The following REG1B variants were observed in gnomAD, a reference collection of about 807,000 sequenced individuals.
REG1B encodes regenerating family member 1 beta.
Under a neutral mutation model 20.4 loss-of-function variants are expected in REG1B, and 21 were observed. The ratio of observed to expected loss-of-function variants is 1.03; its 90% CI spans 0.73 to 1.48. The LOEUF (loss-of-function observed/expected upper bound fraction) is 1.48. REG1B is among the 40% of genes most tolerant of loss of function. The probability of loss-of-function intolerance (pLI) is 0.00; values close to 1 mark genes in which losing one functional copy is unlikely to be tolerated. For synonymous variants in REG1B, 82 were observed against 73.4 expected (o/e 1.12, Z -0.60); for missense variants, 247 against 197.2 (o/e 1.25, Z -1.51).
At chr2:79,085,902 T>A (rs1672391938) in intron 4 of REG1B, 1 of 279,940 alleles carries the variant, frequency 3.6e-6, no homozygotes, top group Non-Finnish European at 6.8e-6. Context: ...AACTCTCATA[T>A]CCAGCATAAC....
At chr2:79,087,493 G>T (rs2104018977) in intron 2 of REG1B, 56 bp downstream of exon 2, 1 of 1,562,104 alleles carries the variant, frequency 6.4e-7, no homozygotes, top group Non-Finnish European at 8.8e-7. Flanking sequence ...TTATACATGA[G>T]GATGGAGGGA....
chr2:79,086,458 G>T lies in REG1B; in HGVS notation c.230C>A (p.Thr77Asn), dbSNP rs1280525918. The T allele has an allele frequency of 6.2e-7, 1 of 1,613,950 alleles. No individual in the cohort carries two copies. Among genetic ancestry groups the T allele is most frequent in the African/African-American group, 1.3e-5 (1 of 74,916 alleles). The change falls in exon 4 of 6, where the codon ACC becomes AAC. Residue 77 changes from threonine to asparagine, a missense_variant. By Grantham distance (65) the Thr-to-Asn change is moderately conservative. Transcript: ENST00000305089. Reference sequence around the variant, plus strand: ...GGCCACGAAGGCACCCTCCGCCTGGGTGAGCACAGACACCAGGTTGCCTGA... The same window carrying T: ...GGCCACGAAGGCACCCTCCGCCTGGTTGAGCACAGACACCAGGTTGCCTGA... ...MNSGNLVSVL[T>N]QAEGAFVASL...
chr2:79,086,259 T>C (rs1395237739), intron 4 of REG1B, 108 bp downstream of exon 4: 8 of 1,231,374 alleles, frequency 6.5e-6, no homozygotes, highest in East Asian at 2.4e-5. Flanking sequence ...GTTGCTTTTA[T>C]TTAAACAAAC....
intron 5 of REG1B, 22 bp downstream of exon 5, chr2:79,085,470 G>A (rs892575741): frequency 6.3e-7 from 1 of 1,578,760 alleles, no homozygotes; most frequent in East Asian, 2.2e-5. Flanking sequence ...GGCAACAGGT[G>A]GATAGATTGT....
intron 4 of REG1B, 178 bp from the exon 5 acceptor site, chr2:79,085,781 G>A: frequency 2.2e-6 from 1 of 455,372 alleles, no homozygotes; most frequent in South Asian, 3.1e-5. Flanking sequence ...TCTCTAGAAT[G>A]TCCGAATTCC....
intron 2 of REG1B, 50 bp from the exon 3 acceptor site, chr2:79,086,980 A>T (rs1672410581): frequency 6.7e-7 from 1 of 1,486,270 alleles, no homozygotes; most frequent in African/African-American, 1.4e-5. Context: ...AGGGCAAGGA[A>T]AAGGCTGGAA....
Position 79,086,973 on chromosome 2 carries a change from G to T in REG1B, c.65-43C>A, listed in dbSNP as rs374698692. On this transcript the variant is annotated intron_variant, in intron 2 of 5. Coordinates refer to ENST00000305089, the MANE Select transcript of REG1B (RefSeq NM_006507.4). ...GAGATAATTAAGAAAGAATCGCAGGGCAAGGAAAAGGCTGGAAGGTGAATT... is the reference window on the plus strand; with the variant it reads ...GAGATAATTAAGAAAGAATCGCAGGTCAAGGAAAAGGCTGGAAGGTGAATT... The T allele has an allele frequency of 2.5e-5, 38 of 1,508,948 alleles. No individual in the cohort carries two copies. In the African/African-American group the frequency reaches 4.1e-4, roughly 16 times the overall value. 93.5% of individuals were successfully genotyped at this position (1,508,948 alleles called of 1,614,324 possible). A position where few individuals can be genotyped will look rare whatever the true frequency, so the allele number is the denominator to read the frequency against.
At chr2:79,087,837 G>C (rs187216467) in intron 1 of REG1B, 122 bp downstream of exon 1, 1 of 449,926 alleles carries the variant, frequency 2.2e-6, no homozygotes, top group East Asian at 3.4e-5. Context: ...AATCAGCTTT[G>C]GTCTTGCTTA....
intron 2 of REG1B, chr2:79,087,340 C>T: frequency 1.7e-6 from 1 of 582,002 alleles, no homozygotes; most frequent in Non-Finnish European, 3.1e-6. Flanking sequence ...CCACAATGGT[C>T]ACCTATAAGT....
In REG1B at chr2:79,087,724, C is replaced by T. The variant is rs1313510457; in HGVS notation, c.-46-66G>A. The T allele has an allele frequency of 4.2e-6, 4 of 955,896 alleles. No homozygotes were observed. The South Asian group carries it at 7.0e-5, about 17-fold the overall frequency. 59.2% of individuals were successfully genotyped at this position (955,896 alleles called of 1,614,324 possible). ...AGAGCACCTGTTATCTTTCTAACAT[C>T]CTCTCCTCTCTGAATTCCTGTGAGC... On this transcript the variant is annotated intron_variant, in intron 1 of 5. Coordinates refer to ENST00000305089, the MANE Select transcript of REG1B (RefSeq NM_006507.4).
chr2:79,086,147 G>A, intron 4 of REG1B: 2 of 536,416 alleles, frequency 3.7e-6, no homozygotes. Context: ...ACAATGAGTG[G>A]GTGCATGAAT....
chr2:79,087,128 T>G (rs980295696), intron 2 of REG1B, 198 bp from the exon 3 acceptor site: 30 of 588,242 alleles, frequency 5.1e-5, no homozygotes, highest in Non-Finnish European at 8.1e-5. Context: ...GAGCTCACAA[T>G]GAATAGGCTA....
At chr2:79,086,719 A>G (rs758583034) in intron 3 of REG1B, 93 bp downstream of exon 3, 45 of 1,361,902 alleles carry the variant, frequency 3.3e-5, no homozygotes, top group Middle Eastern at 1.8e-4. Flanking sequence ...GAAGGGATCA[A>G]TCTTATCTCA....
rs1672380846 is a variant in REG1B at position 79,085,294 on chromosome 2, A to C, written c.434-11T>G. On this transcript the variant is annotated splice_polypyrimidine_tract_variant and intron_variant, in intron 5 of 5. Transcript: ENST00000305089. ...TCCATTTCTTGAATCCTATGGTACA[A>C]TGAGAAGTGTCAGACATAGAGGATC... 4.4e-6 allele frequency: 7 copies of C among 1,595,338 alleles called. No individual in the cohort carries two copies. Among genetic ancestry groups the C allele is most frequent in the Non-Finnish European group, 5.2e-6 (6 of 1,162,954 alleles).
chr2:79,086,241 A>T (rs1383027740), intron 4 of REG1B, 126 bp downstream of exon 4: 2 of 960,442 alleles, frequency 2.1e-6, no homozygotes, highest in Non-Finnish European at 3.1e-6. Flanking sequence ...TATAGGATCT[A>T]TAAAGAGGTT....
chr2:79,087,638 T>C lies in REG1B; in HGVS notation c.-26A>G. The C allele has an allele frequency of 6.2e-7, 1 of 1,612,462 alleles. No homozygotes were observed. Among genetic ancestry groups the C allele is most frequent in the African/African-American group, 1.3e-5 (1 of 74,968 alleles). On this transcript the variant is annotated 5_prime_UTR_variant, in exon 2 of 6. Coordinates refer to ENST00000305089, the MANE Select transcript of REG1B (RefSeq NM_006507.4). The stretch of plus-strand genomic sequence containing the variant: ...GCTTAGCGGCAGTGAATCTCTTGCT[T>C]AAGGAGCAAATCAGCAATCTCTGTA...
chr2:79,086,935 G>C lies in REG1B; in HGVS notation c.65-5C>G, dbSNP rs1486506411. On this transcript the variant is annotated splice_region_variant and splice_polypyrimidine_tract_variant and intron_variant, in intron 2 of 5. Transcript: ENST00000305089. ...GCTCTGTCTGGGACTCCTGGCCTGG[G>C]GAAAAAAAAAAGGAGATAATTAAGA... The C allele has an allele frequency of 6.2e-7, 1 of 1,603,714 alleles. No individual in the cohort carries two copies. The highest frequency in any genetic ancestry group is 8.5e-7 in the Non-Finnish European group (1 of 1,175,350).
At chr2:79,085,787 A>G (rs1018508175) in intron 4 of REG1B, 184 bp from the exon 5 acceptor site, 5 of 449,574 alleles carry the variant, frequency 1.1e-5, no homozygotes, top group African/African-American at 2.0e-5. Context: ...GAATGTCCGA[A>G]TTCCTCCTCC....
intron 4 of REG1B, 31 bp from the exon 5 acceptor site, chr2:79,085,634 T>A: frequency 6.9e-7 from 1 of 1,448,510 alleles, no homozygotes; most frequent in Non-Finnish European, 9.6e-7. Context: ...ACAGGGGCCA[T>A]GGTCACTCAA....
Sources: allele counts gnomAD v4.1 joint callset, GRCh38; gene constraint gnomAD v4.1.1; transcripts MANE v1.5; gene names NCBI Gene and HGNC (gene_info 2026-07-23, HGNC 2026-07-21).